Variants in CTNNA2 observed in about 807,000 individuals in gnomAD.
CTNNA2 encodes catenin alpha-2.
A neutral mutation model predicts 101.0 loss-of-function variants in CTNNA2; 42 were observed. The observed-to-expected ratio is 0.42, with a 90% CI of 0.32 to 0.54. CTNNA2 has a LOEUF of 0.54. CTNNA2 is among the 20% of genes least tolerant of loss of function. The pLI, the probability that CTNNA2 is intolerant of heterozygous loss-of-function variation, is 0.14. For missense variants in CTNNA2, 871 were observed against 1,223.1 expected, an observed-to-expected ratio of 0.71 and a Z score of 4.29; for synonymous variants, 450 against 456.4, an observed-to-expected ratio of 0.99 and a Z score of 0.18.
chr2:79,328,003 A>C (rs907099277), intron 3 of CTNNA2, among the ~76,000 whole-genome samples: 14 of 152,102 alleles, frequency 9.2e-5, no homozygotes, highest in African/African-American at 2.7e-4. Context: ...GGCCTAAGGA[A>C]ACCACTTCTT....
intron 3 of CTNNA2, among the ~76,000 whole-genome samples, chr2:79,781,541 A>T (rs1005876588): frequency 1.3e-5 from 2 of 152,178 alleles, no homozygotes; most frequent in Non-Finnish European, 2.9e-5. Flanking sequence ...CAAAAACAGT[A>T]CAAGACATGC....
intron 1 of CTNNA2, among the ~76,000 whole-genome samples, chr2:79,624,990 A>G (rs953131222): frequency 1.3e-5 from 2 of 152,198 alleles, no homozygotes; most frequent in Admixed American, 1.3e-4. Context: ...CGTTGAGAGC[A>G]TAGTAGGAGT....
rs527340312 is a variant in CTNNA2, at chr2:80,439,609, C to T, written c.1290+20008C>T. On this transcript the variant is annotated intron_variant, in intron 9 of 18. Coordinates refer to ENST00000402739, the MANE Select transcript of CTNNA2 (RefSeq NM_001282597.3). ...AGAGAAGAGGTTTTGCCACGTTGGC[C>T]GGGCTGGTCTTGAATTCCTGGCCTC... is the stretch of plus-strand genomic sequence containing the variant. Among the ~76,000 whole-genome samples the T allele has an allele frequency of 2.2e-4, 33 of 152,200 alleles. No homozygotes were observed. In the Middle Eastern group the frequency reaches 0.017, roughly 78 times the overall value.
At chr2:80,499,860 A>T (rs1278443373) in intron 9 of CTNNA2, among the ~76,000 whole-genome samples, 1 of 152,064 alleles carries the variant, frequency 6.6e-6, no homozygotes, top group Non-Finnish European at 1.5e-5. Flanking sequence ...GTTGATATTG[A>T]AACTGCAAGA....
intron 2 of CTNNA2, among the ~76,000 whole-genome samples, chr2:79,235,818 C>A (rs867626748): frequency 3.3e-5 from 5 of 152,158 alleles, no homozygotes; most frequent in Admixed American, 3.3e-4. Context: ...CAGACAGAAG[C>A]AGGACAGCTG....
At chr2:80,189,957 G>T (rs1485421247) in intron 7 of CTNNA2, among the ~76,000 whole-genome samples, 1 of 151,918 alleles carries the variant, frequency 6.6e-6, no homozygotes, top group African/African-American at 2.4e-5. Flanking sequence ...TTCATGAAAA[G>T]CATACACTTA....
intron 9 of CTNNA2, among the ~76,000 whole-genome samples, chr2:80,442,891 C>A (rs774847349): frequency 2.0e-4 from 30 of 152,250 alleles, no homozygotes; most frequent in South Asian, 6.2e-4. Context: ...AACAAAGGGA[C>A]CTTAGCTCTG....
intron 12 of CTNNA2, among the ~76,000 whole-genome samples, chr2:80,568,565 G>A (rs961238823): frequency 9.6e-5 from 8 of 83,646 alleles, no homozygotes; most frequent in African/African-American, 3.9e-4. Context: ...ATAATGGTGT[G>A]CGTGTGTGTG....
At chr2:79,192,047 G>T (rs754727769) in intron 1 of CTNNA2, among the ~76,000 whole-genome samples, 1 of 152,036 alleles carries the variant, frequency 6.6e-6, no homozygotes, top group African/African-American at 2.4e-5. Context: ...CGAAGCTATT[G>T]GTTGAAGTCG....
At chr2:79,554,291 G>A (rs1053446163) in intron 1 of CTNNA2, among the ~76,000 whole-genome samples, 1 of 151,942 alleles carries the variant, frequency 6.6e-6, no homozygotes, top group Non-Finnish European at 1.5e-5. Context: ...ACATATTGAG[G>A]TAAATTACTT....
In CTNNA2 at chr2:79,835,681, T is replaced by TG. The variant is rs1558565736; in HGVS notation, c.299-22332_299-22331insG. The stretch of plus-strand genomic sequence containing the variant: ...GCCTCTCTTTGTTTTTTTTTTTTTT[T>TG]TTTTTTTTTTTTTTTTTTTTTTGAG... On this transcript the variant is annotated intron_variant, in intron 3 of 18. Coordinates refer to ENST00000402739, the MANE Select transcript of CTNNA2 (RefSeq NM_001282597.3). 3.4e-4 allele frequency among the ~76,000 whole-genome samples: 43 copies of TG among 125,286 alleles called. 1 individual carries two copies. The highest frequency in any genetic ancestry group is 1.4e-3 in the African/African-American group (42 of 29,190). 82.2% of individuals were successfully genotyped at this position (125,286 alleles called of 152,430 possible).
intron 4 of CTNNA2, among the ~76,000 whole-genome samples, chr2:79,482,202 G>C (rs1285966792): frequency 6.6e-6 from 1 of 152,158 alleles, no homozygotes; most frequent in South Asian, 2.1e-4. Context: ...AGGTCATCAG[G>C]AATTTTAAAG....
At chr2:80,468,487 CG>C (rs1559135215) in intron 9 of CTNNA2, among the ~76,000 whole-genome samples, 1 of 152,068 alleles carries the variant, frequency 6.6e-6, no homozygotes, top group African/African-American at 2.4e-5. Flanking sequence ...GGTGCAATCT[CG>C]GCTCACTGCA....
At chr2:79,329,879 C>T (rs1027840447) in intron 3 of CTNNA2, among the ~76,000 whole-genome samples, 14 of 152,150 alleles carry the variant, frequency 9.2e-5, no homozygotes, top group Admixed American at 2.0e-4. Flanking sequence ...ACGTAGACAT[C>T]ACTCTTCTCT....
At chr2:79,506,347 C>T (rs958747658) in intron 5 of CTNNA2, among the ~76,000 whole-genome samples, 6 of 151,878 alleles carry the variant, frequency 4.0e-5, no homozygotes, top group Admixed American at 2.0e-4. Context: ...TCTTCAACCA[C>T]GTCCAAGCTG....
chr2:79,756,870 T>A (rs2105062043), intron 3 of CTNNA2, among the ~76,000 whole-genome samples: 1 of 152,282 alleles, frequency 6.6e-6, no homozygotes, highest in South Asian at 2.1e-4. Flanking sequence ...AACAATGAGA[T>A]TTTAATATCC....
intron 4 of CTNNA2, among the ~76,000 whole-genome samples, chr2:79,865,786 C>A (rs1682034980): frequency 6.6e-6 from 1 of 152,252 alleles, no homozygotes. Flanking sequence ...GTGGCGCGAT[C>A]TCGGCTCACT....
At chr2:80,150,071 T>C (rs986677578) in intron 7 of CTNNA2, among the ~76,000 whole-genome samples, 8 of 152,170 alleles carry the variant, frequency 5.3e-5, no homozygotes, top group African/African-American at 1.7e-4. Flanking sequence ...CAGGGTCTGA[T>C]TAGTATGGTC....
At chr2:79,737,227 T>C (rs1670951794) in intron 2 of CTNNA2, among the ~76,000 whole-genome samples, 1 of 151,944 alleles carries the variant, frequency 6.6e-6, no homozygotes, top group South Asian at 2.1e-4. Flanking sequence ...CGGGTGCCTG[T>C]AATCCCAGCT....
Sources: gnomAD v4.1 joint callset for allele counts (sites outside exome capture counted in the v4.1 genomes callset) on GRCh38, gnomAD v4.1.1 for gene constraint, MANE v1.5 for transcripts, NCBI Gene and HGNC (gene_info 2026-07-23, HGNC 2026-07-21) for gene names.